PTPRD: variants seen among roughly 807,000 people sequenced by gnomAD.
PTPRD encodes the protein protein tyrosine phosphatase receptor type D.
In PTPRD, 34 loss-of-function variants were observed where a neutral mutation model predicts 214.5. The observed-to-expected ratio is 0.16, with a 90% confidence interval of 0.12 to 0.21. The LOEUF is 0.21. PTPRD is among the 10% of genes least tolerant of loss of function. PTPRD has a pLI of 1.00. For synonymous variants in PTPRD, 1,128 were observed against 845.7 expected (o/e 1.33, Z -5.79); for missense variants, 2,545 against 2,398.7 (o/e 1.06, Z -1.27).
At chr9:9,275,119 T>TG (rs1491436102) in intron 9 of PTPRD, among the ~76,000 whole-genome samples, 10 of 53,498 alleles carry the variant, frequency 1.9e-4, no homozygotes, top group African/African-American at 8.0e-4. Flanking sequence ...TATATATATA[T>TG]TATATATATT....
At chr9:8,768,531 T>A (rs1378880496) in intron 11 of PTPRD, among the ~76,000 whole-genome samples, 2 of 152,132 alleles carry the variant, frequency 1.3e-5, no homozygotes. Context: ...TCAGCCTGGG[T>A]GACAGAGCAA....
intron 2 of PTPRD, among the ~76,000 whole-genome samples, chr9:10,350,792 C>T (rs1331639688): frequency 1.3e-5 from 2 of 152,156 alleles, no homozygotes; most frequent in Admixed American, 1.3e-4. Context: ...AGCTAATGGT[C>T]ATCGTGCACT....
rs2097378346 is a variant in PTPRD at position 9,696,591 on chromosome 9, A to T, written c.-287+37942T>A. On this transcript the variant is annotated intron_variant, in intron 7 of 45. Transcript: ENST00000381196. ...CCTATTTTTGTAGTATTTGACTTAA[A>T]AGTCTATGTTATCTGATTTAAATAT... Among the ~76,000 whole-genome samples the T allele has an allele frequency of 2.6e-5, 4 of 152,036 alleles. No homozygotes were observed. In the South Asian group the frequency reaches 6.2e-4, roughly 24 times the overall value.
chr9:8,343,676 T>C (rs532420179), intron 39 of PTPRD, among the ~76,000 whole-genome samples: 1 of 151,974 alleles, frequency 6.6e-6, no homozygotes, highest in Non-Finnish European at 1.5e-5. Flanking sequence ...CTAACCAAAT[T>C]ATATTATTAA....
At chr9:8,922,310 A>G (rs1199839995) in intron 11 of PTPRD, among the ~76,000 whole-genome samples, 1 of 152,214 alleles carries the variant, frequency 6.6e-6, no homozygotes, top group Non-Finnish European at 1.5e-5. Context: ...AAGAGAGCTC[A>G]CTAGGATATT....
intron 3 of PTPRD, among the ~76,000 whole-genome samples, chr9:10,198,423 G>A (rs1409749622): frequency 6.6e-6 from 1 of 152,118 alleles, no homozygotes; most frequent in Non-Finnish European, 1.5e-5. Flanking sequence ...GGCCAAGTAT[G>A]AGCAGCAGTA....
chr9:9,480,132 T>C (rs963108873), intron 8 of PTPRD, among the ~76,000 whole-genome samples: 1 of 152,286 alleles, frequency 6.6e-6, no homozygotes, highest in East Asian at 1.9e-4. Context: ...ATTGAAAGAA[T>C]AAGGGCATTC....
chr9:9,732,238 G>A (rs1282734572), intron 7 of PTPRD, among the ~76,000 whole-genome samples: 5 of 151,978 alleles, frequency 3.3e-5, no homozygotes, highest in African/African-American at 1.2e-4. Flanking sequence ...GGTATGTACT[G>A]AAGAAAGATT....
intron 4 of PTPRD, among the ~76,000 whole-genome samples, chr9:10,014,548 C>A (rs1305524576): frequency 2.0e-5 from 3 of 151,816 alleles, no homozygotes; most frequent in Admixed American, 6.6e-5. Context: ...CATTTCCTTA[C>A]AAAATTATAT....
intron 11 of PTPRD, among the ~76,000 whole-genome samples, chr9:8,743,281 C>A (rs2092333063): frequency 6.6e-6 from 1 of 152,084 alleles, no homozygotes; most frequent in South Asian, 2.1e-4. Context: ...AGTTGGCTTG[C>A]CTTAAAAGTT....
intron 10 of PTPRD, among the ~76,000 whole-genome samples, chr9:9,110,010 A>G (rs2099803896): frequency 6.6e-6 from 1 of 152,118 alleles, no homozygotes; most frequent in African/African-American, 2.4e-5. Flanking sequence ...CCAAACCAGG[A>G]GCTCCAAAGA....
At chr9:10,109,713 T>C (rs756583909) in intron 3 of PTPRD, among the ~76,000 whole-genome samples, 3 of 152,196 alleles carry the variant, frequency 2.0e-5, no homozygotes, top group East Asian at 1.9e-4. Flanking sequence ...GGGTGTCTGA[T>C]AGTATTTCCA....
rs2083134719 is a variant in PTPRD, at chr9:8,375,973, T to G, written c.4624A>C (p.Asn1542His). 1.9e-6 allele frequency: 3 copies of G among 1,612,874 alleles called. No homozygotes were observed. Among genetic ancestry groups the G allele is most frequent in the Non-Finnish European group, 2.5e-6 (3 of 1,179,212 alleles). ...LAFLRRVKTCNPPDAGPMVVH... is the reference protein window; with the variant it reads ...LAFLRRVKTCHPPDAGPMVVH... The stretch of plus-strand genomic sequence containing the variant: ...ACCATCGGACCAGCATCGGGAGGGT[T>G]ACAGGTTTTGACTCTACGTAAGAAA... The change falls in exon 39 of 46, where the codon AAC becomes CAC. Residue 1542 changes from asparagine (N) to histidine (H), a missense_variant. Coordinates refer to ENST00000381196, the MANE Select transcript of PTPRD (RefSeq NM_002839.4).
chr9:9,114,043 G>T (rs770889466), intron 10 of PTPRD, among the ~76,000 whole-genome samples: 43 of 152,200 alleles, frequency 2.8e-4, no homozygotes, highest in Non-Finnish European at 5.7e-4. Context: ...TGAATAAAGT[G>T]GTGAGAATCA....
At chr9:8,713,770 C>A in intron 12 of PTPRD, 1 of 1,534,630 alleles carries the variant, frequency 6.5e-7, no homozygotes, top group Non-Finnish European at 8.8e-7. Context: ...CAAGTTCCCG[C>A]TGCCCCACCG....
At chr9:9,841,598 T>A (rs1395491516) in intron 5 of PTPRD, among the ~76,000 whole-genome samples, 1 of 152,150 alleles carries the variant, frequency 6.6e-6, no homozygotes, top group African/African-American at 2.4e-5. Flanking sequence ...TTAGAAAGCA[T>A]TTGTTTCATT....
intron 33 of PTPRD, among the ~76,000 whole-genome samples, chr9:8,459,114 A>G (rs1427127047): frequency 1.3e-5 from 2 of 152,090 alleles, no homozygotes; most frequent in Non-Finnish European, 2.9e-5. Context: ...TTATGGGGGA[A>G]AAACGTTATT....
chr9:8,321,153 G>T (rs1488063062), intron 44 of PTPRD, among the ~76,000 whole-genome samples: 1 of 151,928 alleles, frequency 6.6e-6, no homozygotes, highest in Non-Finnish European at 1.5e-5. Flanking sequence ...TGACCTTGAA[G>T]GTCCCTTTTA....
intron 11 of PTPRD, among the ~76,000 whole-genome samples, chr9:9,005,411 T>C (rs2099457524): frequency 7.2e-6 from 1 of 138,698 alleles, no homozygotes; most frequent in African/African-American, 2.5e-5. Context: ...ATAATGACTG[T>C]TATTAATGAT....
Sources: allele counts gnomAD v4.1 joint callset (sites outside exome capture counted in the v4.1 genomes callset), GRCh38; gene constraint gnomAD v4.1.1; transcripts MANE v1.5; gene names NCBI Gene and HGNC (gene_info 2026-07-23, HGNC 2026-07-21).